The following RFC3 variants were observed in gnomAD, a reference collection of about 807,000 sequenced individuals.
RFC3 encodes A1 38 kDa subunit.
RFC3 carries 41 observed loss-of-function variants against 45.1 expected under a neutral mutation model. That is an observed-to-expected ratio of 0.91 (90% CI 0.71 to 1.18). RFC3 has a LOEUF of 1.18. RFC3 is among the 50% of genes most tolerant of loss of function. The pLI is 0.00. For missense variants in RFC3, 423 were observed against 428.1 expected (o/e 0.99, Z 0.10); for synonymous variants, 149 against 144.0 (o/e 1.03, Z -0.25).
chr13:33,959,577 A>G (rs2137858323), intron 8 of RFC3, among the ~76,000 whole-genome samples: 1 of 152,116 alleles, frequency 6.6e-6, no homozygotes, highest in African/African-American at 2.4e-5. Context: ...TCTCATGGCA[A>G]TTTGTTTACA....
At chr13:33,945,489 A>G (rs1202217562) in intron 8 of RFC3, among the ~76,000 whole-genome samples, 4 of 152,364 alleles carry the variant, frequency 2.6e-5, no homozygotes, top group African/African-American at 9.6e-5. Context: ...GCCTGAGCCC[A>G]CAGCTCCAGG....
At chr13:33,887,497 G>A (rs1401881970) in intron 8 of RFC3, among the ~76,000 whole-genome samples, 1 of 152,068 alleles carries the variant, frequency 6.6e-6, no homozygotes, top group Non-Finnish European at 1.5e-5. Context: ...GTTTTTTCTT[G>A]TAAATTTGTT....
At chr13:33,966,112 G>A in exon 9 of RFC3, 2 of 1,611,116 alleles carry the variant, frequency 1.2e-6, no homozygotes, top group Non-Finnish European at 1.7e-6. Context: ...TCAAGAAGCT[G>A]TGACATATTC....
At chr13:33,899,219 A>AAAAAAAAAAAAAAAAAAAAAC (rs2082622731) in intron 8 of RFC3, among the ~76,000 whole-genome samples, 1 of 149,024 alleles carries the variant, frequency 6.7e-6, no homozygotes, top group Non-Finnish European at 1.5e-5. Flanking sequence ...AAAAAAAAAA[A>AAAAAAAAAAAAAAAAAAAAAC]AAAAAAAAAA....
intron 8 of RFC3, among the ~76,000 whole-genome samples, chr13:33,854,511 A>G (rs768467350): frequency 2.6e-5 from 4 of 152,204 alleles, no homozygotes; most frequent in Admixed American, 6.5e-5. Flanking sequence ...GCAGGAATCT[A>G]TTAGTGGTGA....
intron 4 of RFC3, among the ~76,000 whole-genome samples, chr13:33,827,624 C>T (rs1193822675): frequency 1.3e-5 from 2 of 151,990 alleles, no homozygotes; most frequent in East Asian, 3.9e-4. Context: ...ATTTTACCAC[C>T]CAATTACAGT....
chr13:33,950,604 G>A (rs528744024), intron 8 of RFC3, among the ~76,000 whole-genome samples: 11 of 152,330 alleles, frequency 7.2e-5, no homozygotes, highest in South Asian at 6.2e-4. Flanking sequence ...GGAAGAAAGC[G>A]TCTGTAGTTA....
Position 33,897,372 on chromosome 13 carries a change from A to AT in RFC3, c.879+62162dup, listed in dbSNP as rs201776227. Among the ~76,000 whole-genome samples the AT allele has an allele frequency of 7.7e-3, 1,167 of 152,070 alleles. 15 individuals are homozygous for AT. Among genetic ancestry groups the AT allele is most frequent in the African/African-American group, 0.027 (1,105 of 41,518 alleles). ...AAAAATAACTTGTTACATATATGAA[A>AT]TTTTTTTGATAAGCCTCATGGTACT... On this transcript the variant is annotated intron_variant, in intron 8 of 8. Transcript: ENST00000434425.
intron 8 of RFC3, among the ~76,000 whole-genome samples, chr13:33,942,403 A>G (rs769889550): frequency 1.1e-4 from 16 of 152,170 alleles, no homozygotes; most frequent in Non-Finnish European, 1.8e-4. Context: ...CATACAATGT[A>G]TAATAATCAA....
chr13:33,874,214 A>G (rs1353691067), intron 8 of RFC3, among the ~76,000 whole-genome samples: 1 of 152,194 alleles, frequency 6.6e-6, no homozygotes, highest in Non-Finnish European at 1.5e-5. Flanking sequence ...CACACTAATC[A>G]TAGCTCAATT....
Position 33,836,607 on chromosome 13 carries a change from A to G in RFC3, c.*312A>G. ...TCTTCCGTCTAATCTCTCACCTGCT[A>G]AAGGAGATTTACACATTAGAAAGCA... is the stretch of plus-strand genomic sequence containing the variant. On this transcript the variant is annotated 3_prime_UTR_variant, in exon 9 of 9. Coordinates refer to ENST00000380071, the MANE Select transcript of RFC3 (RefSeq NM_002915.4). 9.7e-7 allele frequency: 1 copy of G among 1,030,634 alleles called. No individual in the cohort carries two copies. The highest frequency in any genetic ancestry group is 1.2e-6 in the Non-Finnish European group (1 of 858,466). 63.8% of individuals were successfully genotyped at this position (1,030,634 alleles called of 1,614,324 possible).
intron 8 of RFC3, among the ~76,000 whole-genome samples, chr13:33,912,906 G>T (rs1482926708): frequency 6.6e-6 from 1 of 152,006 alleles, no homozygotes; most frequent in Admixed American, 6.6e-5. Flanking sequence ...CTTAATAACT[G>T]GGTGTGTGGG....
downstream of RFC3, among the ~76,000 whole-genome samples, chr13:33,842,003 C>A (rs2082202572): frequency 6.6e-6 from 1 of 152,052 alleles, no homozygotes; most frequent in Admixed American, 6.6e-5. Flanking sequence ...TATTATGTGG[C>A]CAGGTGCGGT....
At chr13:33,933,419 T>G (rs2082865061) in intron 8 of RFC3, among the ~76,000 whole-genome samples, 5 of 152,154 alleles carry the variant, frequency 3.3e-5, no homozygotes, top group Admixed American at 3.3e-4. Flanking sequence ...AGTGATTGTT[T>G]TTTGTTATCA....
At chr13:33,851,743 A>G (rs1305530023) in intron 8 of RFC3, among the ~76,000 whole-genome samples, 2 of 152,146 alleles carry the variant, frequency 1.3e-5, no homozygotes, top group Non-Finnish European at 2.9e-5. Flanking sequence ...TTTTTGTGTA[A>G]GGTCATTCTT....
chr13:33,972,805 G>T, the RFC3 span, among the ~76,000 whole-genome samples: 1 of 152,122 alleles, frequency 6.6e-6, no homozygotes, highest in Non-Finnish European at 1.5e-5. Context: ...CAGAGTATTA[G>T]ATGCTAATGT....
At chr13:33,845,861 G>T (rs2139454440) in intron 8 of RFC3, among the ~76,000 whole-genome samples, 1 of 152,302 alleles carries the variant, frequency 6.6e-6, no homozygotes. Context: ...GGACATTGAA[G>T]AGTTAGGTAT....
intron 8 of RFC3, among the ~76,000 whole-genome samples, chr13:33,922,606 TA>T (rs1489631838): frequency 6.6e-6 from 1 of 152,050 alleles, no homozygotes; most frequent in African/African-American, 2.4e-5. Flanking sequence ...TTCAAATAAA[TA>T]AAAAAAGTCT....
At chr13:33,930,500 C>T (rs1891374475) in intron 8 of RFC3, among the ~76,000 whole-genome samples, 1 of 152,134 alleles carries the variant, frequency 6.6e-6, no homozygotes, top group Admixed American at 6.6e-5. Context: ...TTTATACTAG[C>T]CAGGCTGGCA....
Sources: allele counts gnomAD v4.1 joint callset (sites outside exome capture counted in the v4.1 genomes callset), GRCh38; gene constraint gnomAD v4.1.1; transcripts MANE v1.5; gene names NCBI Gene and HGNC (gene_info 2026-07-23, HGNC 2026-07-21).